The following TMCC3 variants were observed in gnomAD, a reference collection of about 807,000 sequenced individuals.
TMCC3 encodes transmembrane and coiled-coil domain protein 3.
In TMCC3, 28 loss-of-function variants were observed where a neutral mutation model predicts 40.2. The observed-to-expected ratio is 0.70, with a 90% CI of 0.52 to 0.95. The LOEUF (loss-of-function observed/expected upper bound fraction) is 0.95, where lower values mean the gene tolerates loss of function less well. TMCC3 is among the 40% of genes least tolerant of loss of function. The pLI is 0.00. For missense variants in TMCC3, 554 were observed against 615.2 expected, an observed-to-expected ratio of 0.90 and a Z score of 1.05; for synonymous variants, 255 against 248.5, an observed-to-expected ratio of 1.03 and a Z score of -0.25.
At chr12:94,621,424 T>C (rs1011864615) in intron 1 of TMCC3, among the ~76,000 whole-genome samples, 1 of 152,180 alleles carries the variant, frequency 6.6e-6, no homozygotes, top group African/African-American at 2.4e-5. Flanking sequence ...CAGCCGCCTT[T>C]CTACCTCCCA....
rs1013362682 is a variant in TMCC3 at position 94,581,936 on chromosome 12, TAAGG to T, written c.677_680del (p.Ser226Ter). On this transcript the variant is annotated frameshift_variant, in exon 2 of 4. Transcript: ENST00000261226. LOFTEE classifies it high-confidence loss of function. ...CACTCGCCTCTGGCCTAAACTCCTC[TAAGG>T]AATTTTTCAAGTGAGCAATGTTGTC... The T allele has an allele frequency of 6.2e-7, 1 of 1,614,108 alleles. No individual in the cohort carries two copies. The highest frequency in any genetic ancestry group is 8.5e-7 in the Non-Finnish European group (1 of 1,180,048).
At position 94,582,408 on chromosome 12, in the gene TMCC3, C is replaced by T. The variant is rs1199932854; in HGVS notation, c.209G>A (p.Ser70Asn). ...TACCTTTAGAATTTTTTGCTTCAGGCTGTCTGCAGTGAGTTTGACCTTGTG... is the reference window on the plus strand; with the variant it reads ...TACCTTTAGAATTTTTTGCTTCAGGTTGTCTGCAGTGAGTTTGACCTTGTG... ...DFHKVKLTAD[S>N]LKQKILKVTE... The change falls in exon 2 of 4, where the codon AGC (serine) becomes AAC (asparagine). Residue 70 changes from serine to asparagine, a missense_variant. Coordinates refer to ENST00000261226, the MANE Select transcript of TMCC3 (RefSeq NM_020698.4). 21 of 1,613,920 alleles carry T rather than the reference C, an allele frequency of 1.3e-5. No individual in the cohort carries two copies. Among genetic ancestry groups the T allele is most frequent in the Non-Finnish European group, 1.7e-5 (20 of 1,180,014 alleles).
At chr12:94,641,961 T>C (rs1334728452) in intron 1 of TMCC3, among the ~76,000 whole-genome samples, 2 of 151,696 alleles carry the variant, frequency 1.3e-5, no homozygotes, top group Non-Finnish European at 2.9e-5. Flanking sequence ...CAGTGCAAAG[T>C]AGTTTGATAC....
chr12:94,609,491 C>G (rs1405740136), intron 1 of TMCC3, among the ~76,000 whole-genome samples: 4 of 152,218 alleles, frequency 2.6e-5, no homozygotes, highest in Non-Finnish European at 5.9e-5. Context: ...TTCTGCTGCT[C>G]TGACCTCATA....
chr12:94,597,166 A>AT lies in TMCC3; in HGVS notation c.79-14629_79-14628insA, dbSNP rs1491007129. On this transcript the variant is annotated intron_variant, in intron 1 of 3. Coordinates refer to ENST00000261226, the MANE Select transcript of TMCC3 (RefSeq NM_020698.4). ...ATATATATATATATATATGTATATAAATTAGCCAGGCCTGCTGGCGTGCCT... is the reference window on the plus strand; with the variant it reads ...ATATATATATATATATATGTATATAATATTAGCCAGGCCTGCTGGCGTGCCT... Among the ~76,000 whole-genome samples, 715 of 90,856 alleles carry AT rather than the reference A, an allele frequency of 7.9e-3. 46 individuals carry two copies. Among genetic ancestry groups the AT allele is most frequent in the South Asian group, 0.017 (52 of 3,004 alleles). 59.6% of individuals were successfully genotyped at this position (90,856 alleles called of 152,430 possible).
intron 1 of TMCC3, among the ~76,000 whole-genome samples, chr12:94,609,544 A>C (rs1270794473): frequency 2.0e-5 from 3 of 152,202 alleles, no homozygotes; most frequent in African/African-American, 7.2e-5. Flanking sequence ...GCCTCATATT[A>C]ACAGTCTCTT....
intron 1 of TMCC3, among the ~76,000 whole-genome samples, chr12:94,640,466 G>A (rs2068983539): frequency 6.6e-6 from 1 of 152,202 alleles, no homozygotes; most frequent in African/African-American, 2.4e-5. Context: ...ATACAGGCGT[G>A]AGCCACCACA....
intron 1 of TMCC3, among the ~76,000 whole-genome samples, 160 bp from the exon 2 acceptor site, chr12:94,582,698 T>C (rs1447380437): frequency 6.6e-6 from 1 of 152,144 alleles, no homozygotes; most frequent in Non-Finnish European, 1.5e-5. Context: ...CAGTTGAACA[T>C]AGAGGCAGCC....
intron 3 of TMCC3, among the ~76,000 whole-genome samples, chr12:94,575,740 C>T (rs975234596): frequency 2.6e-5 from 4 of 152,130 alleles, no homozygotes; most frequent in African/African-American, 7.2e-5. Context: ...CAGTGACACC[C>T]GAAACATGCT....
chr12:94,592,661 C>CAAAAAAAAAAAAA (rs869058316), intron 1 of TMCC3, among the ~76,000 whole-genome samples: 286 of 27,486 alleles, frequency 0.01, 30 homozygotes, highest in Non-Finnish European at 0.013. Context: ...GGCTCCATCT[C>CAAAAAAAAAAAAA]AAAAAAAAAA....
At chr12:94,606,010 AAAAC>A (rs147282791) in intron 1 of TMCC3, among the ~76,000 whole-genome samples, 13,027 of 152,232 alleles carry the variant, frequency 0.086, 561 homozygotes, top group South Asian at 0.14. Context: ...TTAGTAACAG[AAAAC>A]AAACAAACAA....
intron 1 of TMCC3, among the ~76,000 whole-genome samples, chr12:94,616,750 A>G (rs1278855031): frequency 2.6e-5 from 4 of 152,216 alleles, no homozygotes; most frequent in African/African-American, 9.6e-5. Context: ...AATCAGTTAG[A>G]CAGAGAAGTA....
intron 1 of TMCC3, among the ~76,000 whole-genome samples, chr12:94,618,632 A>G (rs1381366640): frequency 1.3e-5 from 2 of 152,154 alleles, no homozygotes; most frequent in Non-Finnish European, 2.9e-5. Flanking sequence ...TTGAGAGGAC[A>G]CTTTGGTCCC....
chr12:94,591,039 G>C (rs2068671752), intron 1 of TMCC3: 1 of 541,598 alleles, frequency 1.8e-6, no homozygotes, highest in Non-Finnish European at 3.7e-6. Context: ...CATACGAAGA[G>C]ATATATAAAT....
chr12:94,649,494 C>T (rs1192314483), intron 1 of TMCC3, among the ~76,000 whole-genome samples: 1 of 152,226 alleles, frequency 6.6e-6, no homozygotes, highest in Non-Finnish European at 1.5e-5. Flanking sequence ...AGAACAGATG[C>T]CAGCGTGGAG....
chr12:94,624,725 A>T (rs535107323), intron 1 of TMCC3, among the ~76,000 whole-genome samples: 21 of 140,900 alleles, frequency 1.5e-4, no homozygotes, highest in African/African-American at 2.8e-4. Context: ...ATTAAAAAAA[A>T]ATATATTGTT....
intron 1 of TMCC3, among the ~76,000 whole-genome samples, chr12:94,648,038 G>T (rs2069029927): frequency 1.3e-5 from 2 of 152,156 alleles, no homozygotes; most frequent in Admixed American, 1.3e-4. Context: ...ACGGTCTGCT[G>T]AAGTTCTAGC....
In TMCC3 at chr12:94,582,047, C is replaced by A; in HGVS notation, c.570G>T (p.Gly190=). 1 of 1,614,144 alleles carries A rather than the reference C, an allele frequency of 6.2e-7. No individual in the cohort carries two copies. Among genetic ancestry groups the A allele is most frequent in the Non-Finnish European group, 8.5e-7 (1 of 1,180,026 alleles). ...CMESSKSGMP[G]VSLTPPVFVF... ...CGAACACAGGTGGAGTAAGTGAGAC[C>A]CCTGGCATGCCCGATTTGCTGCTCT... is the stretch of plus-strand genomic sequence containing the variant. The change falls in exon 2 of 4, where the codon GGG becomes GGT. Residue 190 remains glycine (G), a synonymous_variant. Coordinates refer to ENST00000261226, the MANE Select transcript of TMCC3 (RefSeq NM_020698.4).
Position 94,571,285 on chromosome 12 carries a change from G to A in TMCC3, c.*150C>T. The A allele has an allele frequency of 1.3e-6, 1 of 794,902 alleles. No homozygotes were observed. The highest frequency in any genetic ancestry group is 2.0e-6 in the Non-Finnish European group (1 of 510,928). The allele number at this position is 794,902 out of a possible 1,614,324, so 49.2% of individuals were successfully genotyped here. A position where few individuals can be genotyped will look rare whatever the true frequency, so the allele number is the denominator to read the frequency against. ...GGACTGAGTTGGCAACTGCTACGGA[G>A]TTAAGAGAATTGTAGTTATTTACAC... On this transcript the variant is annotated 3_prime_UTR_variant, in exon 4 of 4. Coordinates refer to ENST00000261226, the MANE Select transcript of TMCC3 (RefSeq NM_020698.4).
Sources: gnomAD v4.1 joint callset for allele counts (sites outside exome capture counted in the v4.1 genomes callset) on GRCh38, gnomAD v4.1.1 for gene constraint, MANE v1.5 for transcripts, NCBI Gene and HGNC (gene_info 2026-07-23, HGNC 2026-07-21) for gene names.